Variants in TRRAP observed in about 807,000 individuals in gnomAD.
TRRAP encodes the protein transformation/transcription domain-associated protein.
In TRRAP, 41 loss-of-function variants were observed where a neutral mutation model predicts 438.8. That is an observed-to-expected ratio of 0.09 (90% CI 0.07 to 0.12). The LOEUF (loss-of-function observed/expected upper bound fraction) is 0.12. Among genes scored for constraint, TRRAP ranks in the 10% least tolerant of loss-of-function variants. TRRAP has a pLI of 1.00. For missense variants in TRRAP, 3,122 were observed against 5,055.1 expected (o/e 0.62, Z 11.60); for synonymous variants, 1,994 against 1,962.9 (o/e 1.02, Z -0.42).
chr7:98,894,464 GAAATT>G lies in TRRAP; in HGVS notation c.450+590_450+594del, dbSNP rs200147841. ...TGCCTGTTATAGATGATTTAAGGTAGAAATTAAATTATTTATTAAAATTAAAAATT... is the reference window on the plus strand; with the variant it reads ...TGCCTGTTATAGATGATTTAAGGTAGAAATTATTTATTAAAATTAAAAATT... On this transcript the variant is annotated intron_variant, in intron 6 of 72. Transcript: ENST00000456197. Among the ~76,000 whole-genome samples the G allele has an allele frequency of 6.6e-3, 1,010 of 152,166 alleles. 10 individuals are homozygous for G. The highest frequency in any genetic ancestry group is 9.7e-3 in the Non-Finnish European group (658 of 68,014).
chr7:98,978,635 C>T, intron 57 of TRRAP, 134 bp from the exon 58 acceptor site: 1 of 1,285,646 alleles, frequency 7.8e-7, no homozygotes, highest in East Asian at 2.3e-5. Context: ...CCTCCATGTC[C>T]CACAGAAGTC....
intron 30 of TRRAP, 100 bp from the exon 31 acceptor site, chr7:98,942,849 C>A: frequency 1.5e-6 from 2 of 1,300,896 alleles, no homozygotes; most frequent in Non-Finnish European, 1.1e-6. Context: ...CACTGCAGTT[C>A]TCACACTAAA....
chr7:98,906,208 T>C lies in TRRAP; in HGVS notation c.1068T>C (p.Asp356=). 1 of 1,614,020 alleles carries C rather than the reference T, an allele frequency of 6.2e-7. No homozygotes were observed. The highest frequency in any genetic ancestry group is 2.2e-5 in the East Asian group (1 of 44,882). ...TTCCTTGCATGGACAAGCTGTTTGA[T>C]GAATCCATACTAATTGGCTCAGGAT... is the stretch of plus-strand genomic sequence containing the variant. ...QFIPCMDKLF[D]ESILIGSGYT... Residue 356 remains aspartate (D), a synonymous_variant, in exon 13 of 73, where the codon GAT becomes GAC. Coordinates refer to ENST00000456197, the MANE Select transcript of TRRAP (RefSeq NM_001375524.1).
In TRRAP at chr7:98,910,376, C is replaced by G. The variant is rs146140188; in HGVS notation, c.1671C>G (p.Val557=). Residue 557 remains valine, a synonymous_variant, in exon 15 of 73, where the codon GTC becomes GTG. Transcript: ENST00000456197. The part of the protein sequence containing the change: ...RSLVKTLVCG[V]KTITWGITSC... ...TGGTCAAAACCTTGGTGTGTGGTGT[C>G]AAGACAATCACGTGGGGCATAACAT... is the stretch of plus-strand genomic sequence containing the variant. 7.3e-5 allele frequency: 117 copies of G among 1,608,786 alleles called. No homozygotes were observed. The highest frequency in any genetic ancestry group is 9.2e-5 in the Non-Finnish European group (109 of 1,178,612).
intron 30 of TRRAP, among the ~76,000 whole-genome samples, chr7:98,942,448 C>T (rs553743700): frequency 3.3e-5 from 5 of 152,344 alleles, no homozygotes; most frequent in South Asian, 2.1e-4. Flanking sequence ...AGGAGGACCC[C>T]GACCCCCTCC....
rs377627371 is a variant in TRRAP, at chr7:98,933,310, C to T, written c.3922C>T (p.Leu1308=). ...RHQPANAQIG[L]MEGNTFCTTL... is the part of the protein sequence containing the mutation. ...CCAGCCTGCCAACGCACAGATTGGC[C>T]TGATGGAGGGGAACACGTTCTGTAC... The change falls in exon 27 of 73, where the codon CTG becomes TTG. Residue 1308 remains leucine (L), a synonymous_variant. Coordinates refer to ENST00000456197, the MANE Select transcript of TRRAP (RefSeq NM_001375524.1). 9 of 1,614,192 alleles carry T rather than the reference C, an allele frequency of 5.6e-6. No individual in the cohort carries two copies. In the East Asian group the frequency reaches 8.9e-5, roughly 16 times the overall value.
intron 21 of TRRAP, among the ~76,000 whole-genome samples, chr7:98,924,224 A>C (rs782250876): frequency 6.6e-6 from 1 of 152,212 alleles, no homozygotes; most frequent in Non-Finnish European, 1.5e-5. Flanking sequence ...GGCTATTTGA[A>C]CATGAAATTG....
chr7:98,993,714 T>G lies in TRRAP; in HGVS notation c.10024T>G (p.Phe3342Val). ...AGGCATCGTCGATCAGATGGTCTGG[T>G]TCAGAGAAAATTGGCATGAAGAGGT... Reference protein sequence around the residue: ...LEGIVDQMVWFRENWHEEVLR... With the variant: ...LEGIVDQMVWVRENWHEEVLR... Residue 3342 changes from phenylalanine to valine, a missense_variant, in exon 66 of 73, where the codon TTC (phenylalanine) becomes GTC (valine). This residue lies in a region of TRRAP where 107 missense variants were observed against 327.5 expected (regional missense o/e 0.33). Transcript: ENST00000456197. 6.2e-7 allele frequency: 1 copy of G among 1,614,228 alleles called. No individual in the cohort carries two copies. Among genetic ancestry groups the G allele is most frequent in the Non-Finnish European group, 8.5e-7 (1 of 1,180,036 alleles).
Position 98,948,462 on chromosome 7 carries a change from G to T in TRRAP, c.4669-104G>T. 6.2e-7 allele frequency: 1 copy of T among 1,610,226 alleles called. No individual in the cohort carries two copies. The highest frequency in any genetic ancestry group is 8.5e-7 in the Non-Finnish European group (1 of 1,178,224). ...AGACGTTCGATGTCAACATTTGCTT[G>T]TGGGTGTTCATGCACTCCAGTAACA... On this transcript the variant is annotated intron_variant, in intron 34 of 72. Coordinates refer to ENST00000456197, the MANE Select transcript of TRRAP (RefSeq NM_001375524.1). The surrounding 1 kb of genome is among the most constrained non-coding windows in gnomAD (Gnocchi z 4.9).
intron 17 of TRRAP, 75 bp from the exon 18 acceptor site, chr7:98,911,947 G>T (rs1426324157): frequency 5.9e-6 from 8 of 1,347,990 alleles, no homozygotes; most frequent in Non-Finnish European, 7.2e-6. Context: ...TATGTTTTTT[G>T]AAAGCTTACT....
rs1793576118 is a variant in TRRAP, at chr7:98,994,804, C to T, written c.10265C>T (p.Ala3422Val). The T allele has an allele frequency of 1.9e-6, 3 of 1,613,842 alleles. No individual in the cohort carries two copies. The highest frequency in any genetic ancestry group is 8.5e-7 in the Non-Finnish European group (1 of 1,179,718). The change falls in exon 67 of 73, where the codon GCA (alanine) becomes GTA (valine). Residue 3422 changes from alanine (A) to valine (V), a missense_variant. Ala to Val is a moderately conservative substitution (Grantham distance 64, BLOSUM62 0). Coordinates refer to ENST00000456197, the MANE Select transcript of TRRAP (RefSeq NM_001375524.1). This position sits in a 1 kb window ranked among gnomAD's most constrained non-coding sequence, Gnocchi z 4.8. The stretch of plus-strand genomic sequence containing the variant: ...CTGGCCCGGCGGGCGCAGGCCACTG[C>T]ACAAGACCCTGTCTTTCAGAAGCTG... ...ESLARRAQAT[A>V]QDPVFQKLKG...
At chr7:98,906,007 T>C (rs1462382991) in intron 12 of TRRAP, among the ~76,000 whole-genome samples, 170 bp from the exon 13 acceptor site, 2 of 152,244 alleles carry the variant, frequency 1.3e-5, no homozygotes, top group Non-Finnish European at 2.9e-5. Context: ...GCAGAGCTGC[T>C]ATGTTAGACT....
chr7:98,978,935 G>C, intron 58 of TRRAP, 31 bp downstream of exon 58: 1 of 1,611,338 alleles, frequency 6.2e-7, no homozygotes, highest in Non-Finnish European at 8.5e-7. Context: ...CCCTGCCGCT[G>C]CCTGGGTCCC....
intron 12 of TRRAP, among the ~76,000 whole-genome samples, chr7:98,905,491 C>T (rs1213915692): frequency 6.6e-6 from 1 of 152,204 alleles, no homozygotes; most frequent in Non-Finnish European, 1.5e-5. Flanking sequence ...CATGCTGTCG[C>T]TGCCCCATCT....
chr7:98,915,152 C>T (rs1210062209), intron 18 of TRRAP, among the ~76,000 whole-genome samples: 1 of 152,000 alleles, frequency 6.6e-6, no homozygotes, highest in Non-Finnish European at 1.5e-5. Flanking sequence ...TTACACTTTG[C>T]ATACATCTTA....
chr7:98,937,626 T>C (rs533952861), intron 29 of TRRAP, 24 bp from the exon 30 acceptor site: 1 of 1,587,640 alleles, frequency 6.3e-7, no homozygotes, highest in Non-Finnish European at 8.5e-7. Context: ...TCTATTTTTC[T>C]TTACAACTTT....
In TRRAP at chr7:98,967,675, T is replaced by C; in HGVS notation, c.7489T>C (p.Phe2497Leu). 3 of 1,613,876 alleles carry C rather than the reference T, an allele frequency of 1.9e-6. No individual in the cohort carries two copies. The highest frequency in any genetic ancestry group is 2.5e-6 in the Non-Finnish European group (3 of 1,180,014). The change falls in exon 51 of 73, where the codon TTC (phenylalanine) becomes CTC (leucine). Residue 2497 changes from phenylalanine to leucine, a missense_variant. Phe to Leu is a conservative substitution (Grantham distance 22). This residue lies in a region of TRRAP where 992 missense variants were observed against 1,281.2 expected (regional missense o/e 0.77). Coordinates refer to ENST00000456197, the MANE Select transcript of TRRAP (RefSeq NM_001375524.1). ...GAACTGGGAAGCCATGGGGAACCAC[T>C]TCTGGATCAAGCAGTGCATTGAGGT... The part of the protein sequence containing the change: ...SQNWEAMGNH[F>L]WIKQCIELLL...
chr7:98,883,863 A>G (rs1795573820), intron 3 of TRRAP, among the ~76,000 whole-genome samples: 1 of 152,228 alleles, frequency 6.6e-6, no homozygotes, highest in African/African-American at 2.4e-5. Flanking sequence ...GAGACATCAT[A>G]GGGACTCTAG....
intron 3 of TRRAP, among the ~76,000 whole-genome samples, chr7:98,883,616 G>A (rs1795561600): frequency 6.6e-6 from 1 of 152,120 alleles, no homozygotes; most frequent in African/African-American, 2.4e-5. Flanking sequence ...TTGGGCTCAG[G>A]TGAGCCTCCC....
Sources: gnomAD v4.1 joint callset for allele counts (sites outside exome capture counted in the v4.1 genomes callset) on GRCh38, gnomAD v4.1.1 for gene constraint, gnomAD v4.1.1 regional missense constraint, Gnocchi (gnomAD v3.1) non-coding constraint, MANE v1.5 for transcripts, NCBI Gene and HGNC (gene_info 2026-07-23, HGNC 2026-07-21) for gene names.